The following HS3ST2 variants were observed in gnomAD, a reference collection of about 807,000 sequenced individuals.
HS3ST2 encodes the protein heparan sulfate-glucosamine 3-sulfotransferase 2, also known as heparan sulfate glucosamine 3-O-sulfotransferase 2.
Under a neutral mutation model 26.3 loss-of-function variants are expected in HS3ST2, and 17 were observed. The observed-to-expected ratio is 0.65, with a 90% CI of 0.44 to 0.97. The LOEUF is 0.97. Among genes scored for constraint, HS3ST2 ranks in the 50% least tolerant of loss-of-function variants. The pLI is 0.00. For synonymous variants in HS3ST2, 237 were observed against 219.2 expected (o/e 1.08, Z -0.72); for missense variants, 402 against 501.2 (o/e 0.80, Z 1.89).
intron 1 of HS3ST2, 66 bp downstream of exon 1, chr16:22,815,161 T>C: frequency 1.9e-6 from 3 of 1,578,940 alleles, no homozygotes; most frequent in Non-Finnish European, 2.6e-6. Flanking sequence ...GAGCCATCCG[T>C]CTCTTGTGTT....
intron 1 of HS3ST2, among the ~76,000 whole-genome samples, chr16:22,907,539 G>A (rs1902371420): frequency 6.6e-6 from 1 of 152,130 alleles, no homozygotes; most frequent in Non-Finnish European, 1.5e-5. Flanking sequence ...AGGTTGGGGA[G>A]GTAAAACTTA....
intron 1 of HS3ST2, among the ~76,000 whole-genome samples, chr16:22,874,353 A>G (rs1311501729): frequency 6.6e-6 from 1 of 152,230 alleles, no homozygotes; most frequent in Non-Finnish European, 1.5e-5. Flanking sequence ...ATAAGTTCAG[A>G]AGGTGAGATT....
At chr16:22,861,817 G>A (rs1567490621) in intron 1 of HS3ST2, among the ~76,000 whole-genome samples, 1 of 152,018 alleles carries the variant, frequency 6.6e-6, no homozygotes, top group Non-Finnish European at 1.5e-5. Context: ...TGCCCTCTCT[G>A]GCTTTTGAAC....
At position 22,876,026 on chromosome 16, in the gene HS3ST2, G is replaced by A. The variant is rs186804473; in HGVS notation, c.486-38918G>A. Reference sequence around the variant, plus strand: ...GGTTTGTGTAAGTACATTCTGTGACGTTCACACAACAAAGTTGCCTATTGT... The same window carrying A: ...GGTTTGTGTAAGTACATTCTGTGACATTCACACAACAAAGTTGCCTATTGT... On this transcript the variant is annotated intron_variant, in intron 1 of 1. Transcript: ENST00000261374. 6.0e-4 allele frequency among the ~76,000 whole-genome samples: 91 copies of A among 152,246 alleles called. 1 individual carries two copies. Among genetic ancestry groups the A allele is most frequent in the Admixed American group, 4.5e-3 (69 of 15,282 alleles).
chr16:22,914,835 G>T, intron 1 of HS3ST2, 109 bp from the exon 2 acceptor site: 1 of 1,073,556 alleles, frequency 9.3e-7, no homozygotes. Flanking sequence ...TGGAACAGAG[G>T]CCAGGAGGAG....
chr16:22,888,634 C>G (rs1902094947), intron 1 of HS3ST2, among the ~76,000 whole-genome samples: 1 of 152,152 alleles, frequency 6.6e-6, no homozygotes, highest in South Asian at 2.1e-4. Flanking sequence ...ATCCGCCCGC[C>G]TCGGCCTGGC....
At chr16:22,881,769 A>G (rs1294978614) in intron 1 of HS3ST2, among the ~76,000 whole-genome samples, 1 of 152,206 alleles carries the variant, frequency 6.6e-6, no homozygotes, top group Non-Finnish European at 1.5e-5. Context: ...TTTCACAAGG[A>G]CAAGAACTGT....
At chr16:22,820,634 C>T (rs911330515) in intron 1 of HS3ST2, among the ~76,000 whole-genome samples, 12 of 152,230 alleles carry the variant, frequency 7.9e-5, no homozygotes, top group Admixed American at 3.9e-4. Flanking sequence ...GAACAGTATG[C>T]GGGAAACCGC....
chr16:22,860,833 A>G (rs1901663634), intron 1 of HS3ST2, among the ~76,000 whole-genome samples: 1 of 150,496 alleles, frequency 6.6e-6, no homozygotes, highest in African/African-American at 2.4e-5. Flanking sequence ...ATGGTAGAAT[A>G]TATAGTATAT....
chr16:22,867,966 A>T (rs1567492183), intron 1 of HS3ST2, among the ~76,000 whole-genome samples: 1 of 152,258 alleles, frequency 6.6e-6, no homozygotes, highest in Non-Finnish European at 1.5e-5. Flanking sequence ...ATGGATGTAA[A>T]CAACTAATAC....
At chr16:22,905,293 G>A (rs1020477008) in intron 1 of HS3ST2, among the ~76,000 whole-genome samples, 1 of 152,236 alleles carries the variant, frequency 6.6e-6, no homozygotes, top group African/African-American at 2.4e-5. Context: ...TGCAAGGGAT[G>A]ACCCTTGGGT....
chr16:22,910,211 T>C (rs1054756617), intron 1 of HS3ST2, among the ~76,000 whole-genome samples: 1 of 152,216 alleles, frequency 6.6e-6, no homozygotes, highest in African/African-American at 2.4e-5. Flanking sequence ...CACAGCTCTA[T>C]AGTCAAGTAA....
chr16:22,841,760 G>A (rs1257213469), intron 1 of HS3ST2, among the ~76,000 whole-genome samples: 1 of 151,948 alleles, frequency 6.6e-6, no homozygotes, highest in Non-Finnish European at 1.5e-5. Context: ...CATCTACTTC[G>A]TCTTATGAGT....
intron 1 of HS3ST2, among the ~76,000 whole-genome samples, chr16:22,876,682 A>G (rs1901923852): frequency 6.6e-6 from 1 of 152,204 alleles, no homozygotes; most frequent in Admixed American, 6.5e-5. Context: ...TTGCACATGC[A>G]TGTTGATAGC....
At chr16:22,851,944 G>T (rs148211047) in intron 1 of HS3ST2, among the ~76,000 whole-genome samples, 63 of 152,270 alleles carry the variant, frequency 4.1e-4, no homozygotes, top group African/African-American at 1.4e-3. Flanking sequence ...TGAGCCATCT[G>T]GTTCCTAAAA....
In HS3ST2 at chr16:22,890,917, G is replaced by C. The variant is rs1409724196; in HGVS notation, c.486-24027G>C. Among the ~76,000 whole-genome samples the C allele has an allele frequency of 3.3e-5, 5 of 152,296 alleles. No individual in the cohort carries two copies. In the South Asian group the frequency reaches 1.0e-3, roughly 32 times the overall value. On this transcript the variant is annotated intron_variant, in intron 1 of 1. Transcript: ENST00000261374. ...ATTCTCCGCATTCAGCAACTGACTG[G>C]AGGCACCAGTAGACAGAAGAAATCA...
At chr16:22,871,911 G>A (rs1297935577) in intron 1 of HS3ST2, among the ~76,000 whole-genome samples, 1 of 152,208 alleles carries the variant, frequency 6.6e-6, no homozygotes, top group East Asian at 1.9e-4. Context: ...GCTCACCTGG[G>A]AGGTGCAAAC....
At chr16:22,909,345 A>G (rs1052263602) in intron 1 of HS3ST2, among the ~76,000 whole-genome samples, 1 of 152,256 alleles carries the variant, frequency 6.6e-6, no homozygotes, top group Non-Finnish European at 1.5e-5. Flanking sequence ...GCAGAGCTAC[A>G]TAGAAAACAA....
chr16:22,887,808 G>A (rs907513499), intron 1 of HS3ST2, among the ~76,000 whole-genome samples: 1 of 150,788 alleles, frequency 6.6e-6, no homozygotes, highest in Non-Finnish European at 1.5e-5. Flanking sequence ...AACTAGCCAG[G>A]CATGGTTGTA....
Sources: gnomAD v4.1 joint callset for allele counts (sites outside exome capture counted in the v4.1 genomes callset) on GRCh38, gnomAD v4.1.1 for gene constraint, MANE v1.5 for transcripts, NCBI Gene and HGNC (gene_info 2026-07-23, HGNC 2026-07-21) for gene names.